Variants in GORASP2 observed in about 807,000 individuals in gnomAD.
GORASP2 encodes the protein Golgi reassembly-stacking protein 2.
Under a neutral mutation model 45.7 loss-of-function variants are expected in GORASP2, and 22 were observed. The ratio of observed to expected loss-of-function variants is 0.48; its 90% CI spans 0.34 to 0.69. GORASP2 has a LOEUF of 0.69. Among genes scored for constraint, GORASP2 ranks in the 30% least tolerant of loss-of-function variants. The pLI, the probability that GORASP2 is intolerant of heterozygous loss-of-function variation, is 0.01. For missense variants in GORASP2, 491 were observed against 562.7 expected, an observed-to-expected ratio of 0.87 and a Z score of 1.29; for synonymous variants, 221 against 215.6, an observed-to-expected ratio of 1.02 and a Z score of -0.22.
At chr2:170,955,603 T>C (rs956529008) in intron 6 of GORASP2, among the ~76,000 whole-genome samples, 2 of 152,256 alleles carry the variant, frequency 1.3e-5, no homozygotes, top group Non-Finnish European at 2.9e-5. Context: ...AGTTTGGCCA[T>C]CTTCAGTTCT....
intron 6 of GORASP2, 109 bp from the exon 7 acceptor site, chr2:170,956,327 C>A: frequency 2.1e-6 from 2 of 938,056 alleles, no homozygotes; most frequent in Non-Finnish European, 3.1e-6. Flanking sequence ...CTTGTGACAG[C>A]TCATGTGTGA....
intron 1 of GORASP2, among the ~76,000 whole-genome samples, chr2:170,944,627 TTA>T (rs1451268217): frequency 2.0e-5 from 3 of 152,186 alleles, no homozygotes; most frequent in Non-Finnish European, 4.4e-5. Flanking sequence ...ACTCTAAAGT[TTA>T]TACTTTAAAC....
At chr2:170,929,907 G>C (rs1703778257) in intron 1 of GORASP2, 1 of 391,956 alleles carries the variant, frequency 2.6e-6, no homozygotes, top group Non-Finnish European at 5.4e-6. Flanking sequence ...TGAAAGACCA[G>C]CAGGGCAGGA....
intron 1 of GORASP2, among the ~76,000 whole-genome samples, chr2:170,931,715 A>G (rs1199653411): frequency 6.6e-6 from 1 of 152,002 alleles, no homozygotes; most frequent in South Asian, 2.1e-4. Context: ...TTTTTTCATT[A>G]TTTTTCAATA....
At chr2:170,963,248 G>C (rs1056189997) in intron 9 of GORASP2, among the ~76,000 whole-genome samples, 16 of 151,846 alleles carry the variant, frequency 1.1e-4, no homozygotes, top group African/African-American at 3.1e-4. Context: ...GGTGGCAGGT[G>C]CCTGTAGTCC....
At chr2:170,933,706 TTAAAA>T (rs1362860208) in intron 1 of GORASP2, among the ~76,000 whole-genome samples, 1 of 91,404 alleles carries the variant, frequency 1.1e-5, no homozygotes, top group Non-Finnish European at 2.6e-5. Flanking sequence ...TGTTCCACAC[TTAAAA>T]GAGATGGGGA....
Position 170,954,538 on chromosome 2 carries a change from T to C in GORASP2, c.567-112T>C, listed in dbSNP as rs551391048. 334 of 758,054 alleles carry C rather than the reference T, an allele frequency of 4.4e-4. 1 individual carries two copies. The East Asian group carries it at 8.4e-3, about 19-fold the overall frequency. 47.0% of individuals were successfully genotyped at this position (758,054 alleles called of 1,614,324 possible). A position where few individuals can be genotyped will look rare whatever the true frequency, so the allele number is the denominator to read the frequency against. On this transcript the variant is annotated intron_variant, in intron 5 of 9. Coordinates refer to ENST00000234160, the MANE Select transcript of GORASP2 (RefSeq NM_015530.5). ...AAATCTCAAAGAAGGGAGTGCATGT[T>C]CAGGGCAACTTGAATCTATGCTCTT... is the stretch of plus-strand genomic sequence containing the variant.
At chr2:170,949,232 G>A (rs890402422) in intron 2 of GORASP2, among the ~76,000 whole-genome samples, 16 of 152,262 alleles carry the variant, frequency 1.1e-4, no homozygotes, top group African/African-American at 3.9e-4. Flanking sequence ...CGTTAGTAAT[G>A]TGACTTCTTA....
intron 1 of GORASP2, among the ~76,000 whole-genome samples, chr2:170,944,140 G>A (rs1324197631): frequency 6.6e-6 from 1 of 152,208 alleles, no homozygotes; most frequent in Non-Finnish European, 1.5e-5. Context: ...TCTCATAGGG[G>A]ATAGAAAGTA....
chr2:170,930,588 G>A (rs1410412824), intron 1 of GORASP2, among the ~76,000 whole-genome samples: 1 of 151,952 alleles, frequency 6.6e-6, no homozygotes, highest in Non-Finnish European at 1.5e-5. Context: ...GGATTATCGT[G>A]TCTATTGCCT....
intron 1 of GORASP2, 93 bp downstream of exon 1, chr2:170,929,496 G>T: frequency 9.6e-7 from 1 of 1,038,544 alleles, no homozygotes; most frequent in Non-Finnish European, 1.3e-6. Flanking sequence ...TCACGGGGCA[G>T]CCAGGCCCGA....
intron 1 of GORASP2, among the ~76,000 whole-genome samples, chr2:170,943,544 C>G (rs568485129): frequency 6.6e-6 from 1 of 152,268 alleles, no homozygotes; most frequent in Non-Finnish European, 1.5e-5. Flanking sequence ...AAAATTGAGG[C>G]CCAGCGTGGT....
At chr2:170,947,562 C>T (rs868861293) in intron 1 of GORASP2, among the ~76,000 whole-genome samples, 6 of 152,306 alleles carry the variant, frequency 3.9e-5, no homozygotes, top group Middle Eastern at 3.4e-3. Context: ...GATTAGAGGG[C>T]TGTGTATCCA....
chr2:170,933,042 T>G (rs1455428204), intron 1 of GORASP2, among the ~76,000 whole-genome samples: 1 of 151,582 alleles, frequency 6.6e-6, no homozygotes, highest in Non-Finnish European at 1.5e-5. Context: ...GATGGTGACT[T>G]TTTTTTTAAC....
chr2:170,961,644 G>C lies in GORASP2; in HGVS notation c.824-19G>C, dbSNP rs755152661. The C allele has an allele frequency of 3.8e-6, 5 of 1,320,564 alleles. No individual in the cohort carries two copies. In the Admixed American group the frequency reaches 8.4e-5, roughly 22 times the overall value. 81.8% of individuals were successfully genotyped at this position (1,320,564 alleles called of 1,614,324 possible). ...CGACTAAATTTGTTAGAAATGAAAA[G>C]ATTGTGCTTTCTTTTTAGGTGTACC... On this transcript the variant is annotated intron_variant, in intron 7 of 9. Coordinates refer to ENST00000234160, the MANE Select transcript of GORASP2 (RefSeq NM_015530.5).
At chr2:170,954,018 G>A (rs894501585) in intron 5 of GORASP2, 1 of 152,340 alleles carries the variant, frequency 6.6e-6, no homozygotes, top group South Asian at 2.1e-4. Flanking sequence ...AAGGAATGTT[G>A]AGAAGACATC....
At chr2:170,963,042 A>T in intron 9 of GORASP2, 96 bp downstream of exon 9, 2 of 770,224 alleles carry the variant, frequency 2.6e-6, no homozygotes, top group Non-Finnish European at 4.6e-6. Flanking sequence ...AGAGCAAATC[A>T]GTTTAACAGA....
chr2:170,961,976 T>C (rs1462814000), intron 8 of GORASP2, among the ~76,000 whole-genome samples: 1 of 152,220 alleles, frequency 6.6e-6, no homozygotes, highest in African/African-American at 2.4e-5. Flanking sequence ...AGCCTAGTGC[T>C]CCTTACCCCC....
chr2:170,933,414 A>G (rs1703873243), intron 1 of GORASP2, among the ~76,000 whole-genome samples: 1 of 152,294 alleles, frequency 6.6e-6, no homozygotes, highest in South Asian at 2.1e-4. Flanking sequence ...CAACAAGACC[A>G]TTTTCAAAAT....
Sources: gnomAD v4.1 joint callset for allele counts (sites outside exome capture counted in the v4.1 genomes callset) on GRCh38, gnomAD v4.1.1 for gene constraint, MANE v1.5 for transcripts, NCBI Gene and HGNC (gene_info 2026-07-23, HGNC 2026-07-21) for gene names.